Variants in DNAH14 observed in about 807,000 individuals in gnomAD.
DNAH14 encodes the protein dynein axonemal heavy chain 14, also known as axonemal beta dynein heavy chain 14.
Under a neutral mutation model 520.9 loss-of-function variants are expected in DNAH14, and 478 were observed. That is an observed-to-expected ratio of 0.92 (90% CI 0.85 to 0.99). The LOEUF is 0.99. DNAH14 is among the 50% of genes least tolerant of loss of function. The pLI, the probability that DNAH14 is intolerant of heterozygous loss-of-function variation, is 0.00. For missense variants in DNAH14, 4,831 were observed against 5,234.5 expected (o/e 0.92, Z 2.38); for synonymous variants, 1,581 against 1,757.2 (o/e 0.90, Z 2.51).
intron 15 of DNAH14, among the ~76,000 whole-genome samples, chr1:225,049,799 TATCTATCTATCAATC>T (rs1300821435): frequency 6.8e-6 from 1 of 148,054 alleles, no homozygotes; most frequent in Non-Finnish European, 1.5e-5. Context: ...TCTATCTATC[TATCTATCTATCAATC>T]ATCTATCTAT....
At chr1:225,203,834 GAAAA>G (rs34692378) in intron 38 of DNAH14, among the ~76,000 whole-genome samples, 1 of 150,820 alleles carries the variant, frequency 6.6e-6, no homozygotes, top group Non-Finnish European at 1.5e-5. Context: ...GGAAAGTCTA[GAAAA>G]AAAAATACAC....
At position 225,043,769 on chromosome 1, in the gene DNAH14, GAATA is replaced by G; in HGVS notation, c.1799_1802del (p.Lys600ThrfsTer15). ...ACACAGAAATTGAGACTGAGTTTGA[GAATA>G]AATACATGTATTATGAGTAAGTATT... On this transcript the variant is annotated frameshift_variant, in exon 14 of 86. Transcript: ENST00000682510. LOFTEE classifies it high-confidence loss of function. The G allele has an allele frequency of 2.7e-6, 4 of 1,467,978 alleles. No individual in the cohort carries two copies. The highest frequency in any genetic ancestry group is 3.7e-6 in the Non-Finnish European group (4 of 1,075,438). 90.9% of individuals were successfully genotyped at this position (1,467,978 alleles called of 1,614,324 possible).
intron 13 of DNAH14, 102 bp downstream of exon 13, chr1:225,043,216 T>C: frequency 8.6e-7 from 1 of 1,162,148 alleles, no homozygotes; most frequent in South Asian, 1.7e-5. Flanking sequence ...GATCACTTGA[T>C]GCCAGAAGTT....
At chr1:225,389,478 C>T (rs145869468) in intron 82 of DNAH14, among the ~76,000 whole-genome samples, 118 of 152,354 alleles carry the variant, frequency 7.7e-4, no homozygotes, top group African/African-American at 2.7e-3. Context: ...TTCTGCGAGG[C>T]GCAGGCAGGA....
At chr1:224,988,872 C>T (rs749870390) in intron 8 of DNAH14, among the ~76,000 whole-genome samples, 2 of 152,144 alleles carry the variant, frequency 1.3e-5, no homozygotes, top group Non-Finnish European at 2.9e-5. Context: ...ATCTGAAATT[C>T]CTGATCCTTC....
intron 30 of DNAH14, among the ~76,000 whole-genome samples, chr1:225,145,956 T>C (rs1357712890): frequency 6.6e-6 from 1 of 152,234 alleles, no homozygotes; most frequent in African/African-American, 2.4e-5. Context: ...ATTTTATTGT[T>C]GTCATTTTAT....
chr1:225,218,920 C>T (rs11577306), intron 41 of DNAH14, among the ~76,000 whole-genome samples: 19,438 of 152,112 alleles, frequency 0.13, 1,402 homozygotes, highest in East Asian at 0.31. Flanking sequence ...TAATGCACTC[C>T]TCAGCAAATG....
intron 43 of DNAH14, among the ~76,000 whole-genome samples, chr1:225,243,474 C>G (rs1389045237): frequency 1.3e-5 from 2 of 151,846 alleles, no homozygotes; most frequent in African/African-American, 4.8e-5. Context: ...GGAAATATAC[C>G]ACCAAAATGG....
At chr1:225,390,017 A>G (rs2095885994) in intron 83 of DNAH14, 144 bp downstream of exon 83, 2 of 716,696 alleles carry the variant, frequency 2.8e-6, no homozygotes, top group East Asian at 2.7e-5. Flanking sequence ...TGTGCACCAG[A>G]GCAGTCTCTT....
At chr1:224,930,071 C>T (rs1223089810) in intron 1 of DNAH14, among the ~76,000 whole-genome samples, 2 of 152,210 alleles carry the variant, frequency 1.3e-5, no homozygotes, top group African/African-American at 4.8e-5. Context: ...CGCAGGAGCT[C>T]TCAACGCGAG....
chr1:225,147,134 C>T lies in DNAH14; in HGVS notation c.4825C>T (p.Gln1609Ter), dbSNP rs1330214656. The change falls in exon 31 of 86, where the codon CAG becomes TAG. Residue 1609 changes from glutamine to a stop codon, truncating the protein, a stop_gained. Coordinates refer to ENST00000682510, the MANE Select transcript of DNAH14 (RefSeq NM_001367479.1). LOFTEE classifies it high-confidence loss of function. Reference sequence around the variant, plus strand: ...GAGAAAATTTTTCTTTGGACTAGTTCAGTCAGGAGCATGGAGTTGTTTTGA... The same window carrying T: ...GAGAAAATTTTTCTTTGGACTAGTTTAGTCAGGAGCATGGAGTTGTTTTGA... ...IVRKFFFGLV[Q>*]SGAWSCFDEF... 1.3e-6 allele frequency: 2 copies of T among 1,542,668 alleles called. No homozygotes were observed. Among genetic ancestry groups the T allele is most frequent in the Non-Finnish European group, 8.7e-7 (1 of 1,143,914 alleles).
At chr1:225,286,082 T>A (rs1286526285) in intron 54 of DNAH14, among the ~76,000 whole-genome samples, 3 of 152,220 alleles carry the variant, frequency 2.0e-5, no homozygotes, top group African/African-American at 7.2e-5. Context: ...CTCACTCATG[T>A]GAAAACTGAG....
intron 11 of DNAH14, among the ~76,000 whole-genome samples, chr1:225,028,365 T>C (rs1378065764): frequency 2.0e-5 from 3 of 152,112 alleles, no homozygotes; most frequent in Non-Finnish European, 4.4e-5. Flanking sequence ...GTAATTTATG[T>C]CTTTCTAGGA....
In DNAH14 at chr1:225,082,745, T is replaced by C. The variant is rs1572941206; in HGVS notation, c.3327+6T>C. 2 of 1,532,392 alleles carry C rather than the reference T, an allele frequency of 1.3e-6. No individual in the cohort carries two copies. Among genetic ancestry groups the C allele is most frequent in the Non-Finnish European group, 1.8e-6 (2 of 1,142,266 alleles). The allele number at this position is 1,532,392 out of a possible 1,614,324, so 94.9% of individuals were successfully genotyped here. A position where few individuals can be genotyped will look rare whatever the true frequency, so the allele number is the denominator to read the frequency against. On this transcript the variant is annotated splice_donor_region_variant and intron_variant, in intron 20 of 85. Coordinates refer to ENST00000682510, the MANE Select transcript of DNAH14 (RefSeq NM_001367479.1). ...AGAATCTTCTAGCTCTCAAGGTAAATAAAAATGGTTTTTTAAAAAAATAGG... is the reference window on the plus strand; with the variant it reads ...AGAATCTTCTAGCTCTCAAGGTAAACAAAAATGGTTTTTTAAAAAAATAGG...
intron 37 of DNAH14, among the ~76,000 whole-genome samples, chr1:225,185,947 T>G (rs866384654): frequency 2.3e-3 from 3 of 1,322 alleles, no homozygotes; most frequent in African/African-American, 5.8e-3. Context: ...TTACACTTTG[T>G]TTTTTTTTTT....
chr1:224,937,485 T>C (rs1307439894), intron 1 of DNAH14, among the ~76,000 whole-genome samples: 5 of 151,794 alleles, frequency 3.3e-5, no homozygotes, highest in African/African-American at 1.2e-4. Context: ...TACCTAGAAA[T>C]CAATCTAATC....
intron 15 of DNAH14, among the ~76,000 whole-genome samples, chr1:225,049,761 T>TCTAC (rs1558788080): frequency 8.2e-6 from 1 of 122,696 alleles, no homozygotes; most frequent in Non-Finnish European, 1.8e-5. Context: ...TATCTATCTG[T>TCTAC]CTATCTATCT....
rs140697456 is a variant in DNAH14 at position 225,107,976 on chromosome 1, G to A, written c.3867+7092G>A. Among the ~76,000 whole-genome samples the A allele has an allele frequency of 4.2e-3, 645 of 152,260 alleles. 3 individuals carry two copies. The highest frequency in any genetic ancestry group is 7.2e-3 in the Non-Finnish European group (487 of 68,008). ...ACTGGATTAAAGGATGCAAAGTATTGTTCCTGGGTGTGTCTGTGAGGTTGT... is the reference window on the plus strand; with the variant it reads ...ACTGGATTAAAGGATGCAAAGTATTATTCCTGGGTGTGTCTGTGAGGTTGT... On this transcript the variant is annotated intron_variant, in intron 23 of 85. Transcript: ENST00000682510.
At chr1:225,261,521 A>C (rs1026635406) in intron 46 of DNAH14, among the ~76,000 whole-genome samples, 1 of 152,132 alleles carries the variant, frequency 6.6e-6, no homozygotes, top group African/African-American at 2.4e-5. Context: ...AATCCTTTTA[A>C]TATACTATTG....
Sources: allele counts gnomAD v4.1 joint callset (sites outside exome capture counted in the v4.1 genomes callset), GRCh38; gene constraint gnomAD v4.1.1; transcripts MANE v1.5; gene names NCBI Gene and HGNC (gene_info 2026-07-23, HGNC 2026-07-21).